Variants in DHX57 observed in about 807,000 individuals in gnomAD.
DHX57 encodes DExH-box helicase 57.
In DHX57, 105 loss-of-function variants were observed where a neutral mutation model predicts 156.2. That is an observed-to-expected ratio of 0.67 (90% confidence interval 0.57 to 0.79). DHX57 has a LOEUF of 0.79. Among genes scored for constraint, DHX57 ranks in the 30% least tolerant of loss-of-function variants. DHX57 has a pLI of 0.00. For synonymous variants in DHX57, 704 were observed against 595.6 expected, an observed-to-expected ratio of 1.18 and a Z score of -2.65; for missense variants, 1,847 against 1,661.9, an observed-to-expected ratio of 1.11 and a Z score of -1.94.
At chr2:38,800,790 G>C (rs911185716) in intron 23 of DHX57, among the ~76,000 whole-genome samples, 1 of 152,122 alleles carries the variant, frequency 6.6e-6, no homozygotes, top group South Asian at 2.1e-4. Context: ...TCAAACCAAC[G>C]TTGCCTGGCC....
rs1272259260 is a variant in DHX57 at position 38,813,873 on chromosome 2, G to A, written c.3629C>T (p.Pro1210Leu). 4.3e-6 allele frequency: 7 copies of A among 1,613,302 alleles called. No individual in the cohort carries two copies. Among genetic ancestry groups the A allele is most frequent in the African/African-American group, 1.3e-5 (1 of 74,880 alleles). Residue 1210 changes from proline to leucine, a missense_variant, in exon 21 of 24, where the codon CCC becomes CTC. Pro to Leu is a moderately conservative substitution (Grantham distance 98). Transcript: ENST00000457308. Reference protein sequence around the residue: ...GEEANSNAENPKLISAMLCAA... With the variant: ...GEEANSNAENLKLISAMLCAA... ...ACACAGCATTGCTGATATCAGCTTG[G>A]GGTTCTCAGCATTTGAGTTTGCCTA...
chr2:38,859,308 T>C (rs1673063189), intron 5 of DHX57, among the ~76,000 whole-genome samples: 1 of 152,144 alleles, frequency 6.6e-6, no homozygotes, highest in Admixed American at 6.5e-5. Flanking sequence ...TCCATTTCTA[T>C]GAAATGTCCA....
At chr2:38,855,680 G>C (rs1308876807) in intron 7 of DHX57, among the ~76,000 whole-genome samples, 1 of 152,086 alleles carries the variant, frequency 6.6e-6, no homozygotes, top group Non-Finnish European at 1.5e-5. Context: ...ACTGAGTCTG[G>C]ACACAAATAT....
chr2:38,833,036 T>A (rs1437736752), intron 13 of DHX57, among the ~76,000 whole-genome samples: 4 of 149,544 alleles, frequency 2.7e-5, no homozygotes, highest in Non-Finnish European at 5.9e-5. Flanking sequence ...TGCTTGGTGG[T>A]GAGCCACTGT....
chr2:38,824,503 T>C (rs987369263), intron 16 of DHX57, among the ~76,000 whole-genome samples: 1 of 149,936 alleles, frequency 6.7e-6, no homozygotes, highest in African/African-American at 2.5e-5. Context: ...GTAGATCTCA[T>C]ATTAAGTATT....
At chr2:38,859,580 G>C (rs1489224953) in intron 5 of DHX57, among the ~76,000 whole-genome samples, 1 of 152,112 alleles carries the variant, frequency 6.6e-6, no homozygotes. Context: ...GAAAAAAAGT[G>C]CATGACACAT....
At chr2:38,810,134 A>G (rs1217855187) in intron 21 of DHX57, among the ~76,000 whole-genome samples, 1 of 150,034 alleles carries the variant, frequency 6.7e-6, no homozygotes, top group Non-Finnish European at 1.5e-5. Flanking sequence ...ACCTCAGGTG[A>G]TCTGCCCACC....
At chr2:38,838,077 T>C (rs927165391) in intron 12 of DHX57, 130 bp from the exon 13 acceptor site, 4 of 658,242 alleles carry the variant, frequency 6.1e-6, no homozygotes, top group Middle Eastern at 2.9e-4. Flanking sequence ...GATATTAACA[T>C]TTAATGTACT....
At chr2:38,858,170 T>C (rs530591835) in intron 6 of DHX57, among the ~76,000 whole-genome samples, 2 of 152,354 alleles carry the variant, frequency 1.3e-5, no homozygotes, top group East Asian at 3.9e-4. Context: ...CAAGCAATTC[T>C]TGTGCCTCAG....
chr2:38,846,407 G>A (rs1484519609), intron 11 of DHX57, among the ~76,000 whole-genome samples: 1 of 151,948 alleles, frequency 6.6e-6, no homozygotes, highest in Non-Finnish European at 1.5e-5. Flanking sequence ...GACTGCTTGA[G>A]GTCAGGAGTT....
chr2:38,848,552 G>C (rs1572685882), intron 9 of DHX57, 150 bp from the exon 10 acceptor site: 2 of 755,188 alleles, frequency 2.6e-6, no homozygotes, highest in East Asian at 5.4e-5. Context: ...CCTGTTCTTG[G>C]ATGTGAAGCC....
In DHX57 at chr2:38,861,612, T is replaced by G. The variant is rs1407956539; in HGVS notation, c.798A>C (p.Arg266Ser). 1 of 1,614,066 alleles carries G rather than the reference T, an allele frequency of 6.2e-7. No homozygotes were observed. The highest frequency in any genetic ancestry group is 8.5e-7 in the Non-Finnish European group (1 of 1,180,028). ...CAATGGTCCAGACTCTGTTCTGAAT[T>G]CTTTCTATAAATTTTTCTCCACAGA... ...KSICGEKFIE[R>S]IQNRVWTIGL... The change falls in exon 5 of 24, where the codon AGA becomes AGC. Residue 266 changes from arginine to serine, a missense_variant. Physicochemically the swap from Arg to Ser is moderately radical, Grantham distance 110 (BLOSUM62 -1). Coordinates refer to ENST00000457308, the MANE Select transcript of DHX57 (RefSeq NM_198963.3).
chr2:38,833,268 G>T (rs1478807711), intron 13 of DHX57, among the ~76,000 whole-genome samples: 1 of 151,888 alleles, frequency 6.6e-6, no homozygotes, highest in East Asian at 1.9e-4. Context: ...TCAGCCTCCT[G>T]TGTAGCTGGG....
At chr2:38,850,082 A>C (rs1276150471) in intron 9 of DHX57, among the ~76,000 whole-genome samples, 1 of 152,222 alleles carries the variant, frequency 6.6e-6, no homozygotes, top group East Asian at 1.9e-4. Context: ...CATAGTAAGT[A>C]CTCAATGAAT....
intron 9 of DHX57, 146 bp from the exon 10 acceptor site, chr2:38,848,548 C>G: frequency 1.3e-6 from 1 of 792,428 alleles, no homozygotes; most frequent in Non-Finnish European, 1.9e-6. Flanking sequence ...ATGTCCTGTT[C>G]TTGGATGTGA....
At chr2:38,814,509 C>T (rs1670425390) in intron 20 of DHX57, among the ~76,000 whole-genome samples, 1 of 152,100 alleles carries the variant, frequency 6.6e-6, no homozygotes, top group African/African-American at 2.4e-5. Flanking sequence ...TTCAGAATCT[C>T]CAGAAAGTGC....
intron 17 of DHX57, among the ~76,000 whole-genome samples, chr2:38,821,130 G>T (rs1254049798): frequency 6.6e-6 from 1 of 151,952 alleles, no homozygotes; most frequent in Non-Finnish European, 1.5e-5. Flanking sequence ...TAATCAAAGG[G>T]TCACAGGAGA....
chr2:38,807,334 G>A (rs370138518), intron 21 of DHX57, among the ~76,000 whole-genome samples: 4 of 151,826 alleles, frequency 2.6e-5, no homozygotes, highest in Admixed American at 6.6e-5. Flanking sequence ...GATTACAGGC[G>A]TGAGCCACTA....
intron 6 of DHX57, 150 bp from the exon 7 acceptor site, chr2:38,856,611 C>A (rs1400650108): frequency 3.0e-6 from 3 of 1,007,326 alleles, no homozygotes; most frequent in East Asian, 6.1e-5. Flanking sequence ...TCTAGCGATC[C>A]TCCCGCCTCA....
Sources: allele counts gnomAD v4.1 joint callset (sites outside exome capture counted in the v4.1 genomes callset), GRCh38; gene constraint gnomAD v4.1.1; transcripts MANE v1.5; gene names NCBI Gene and HGNC (gene_info 2026-07-23, HGNC 2026-07-21).